ACTR5: variants seen among roughly 807,000 people sequenced by gnomAD.
ACTR5 encodes the protein actin-related protein 5.
A neutral mutation model predicts 61.2 loss-of-function variants in ACTR5; 43 were observed. The observed-to-expected ratio is 0.70, with a 90% CI of 0.55 to 0.91. The LOEUF (loss-of-function observed/expected upper bound fraction) is 0.91. Ranked by LOEUF, ACTR5 falls within the 40% of genes least tolerant of loss-of-function variation. The pLI is 0.00. For synonymous variants in ACTR5, 333 were observed against 310.5 expected (o/e 1.07, Z -0.76); for missense variants, 798 against 782.2 (o/e 1.02, Z -0.24).
rs753921665 is a variant in ACTR5 at position 38,748,873 on chromosome 20, G to A, written c.375+20G>A. ...TCACAGGTGAAGGGCGGAGTAGGCTGGGCTGGGCTGGGTTTGAGGGGAGGG... is the reference window on the plus strand; with the variant it reads ...TCACAGGTGAAGGGCGGAGTAGGCTAGGCTGGGCTGGGTTTGAGGGGAGGG... On this transcript the variant is annotated intron_variant, in intron 1 of 8. Transcript: ENST00000243903. 5.7e-6 allele frequency: 9 copies of A among 1,589,790 alleles called. No homozygotes were observed. Among genetic ancestry groups the A allele is most frequent in the Admixed American group, 5.2e-5 (3 of 57,892 alleles).
At chr20:38,752,409 C>A in intron 3 of ACTR5, 109 bp downstream of exon 3, 2 of 1,236,362 alleles carry the variant, frequency 1.6e-6, no homozygotes, top group Non-Finnish European at 2.2e-6. Context: ...CACCTCCTTC[C>A]CCTTTTTGTA....
chr20:38,749,413 C>T (rs2084372993), intron 1 of ACTR5, among the ~76,000 whole-genome samples: 1 of 152,110 alleles, frequency 6.6e-6, no homozygotes, highest in Non-Finnish European at 1.5e-5. Context: ...AAAAAGGCCC[C>T]GAGGCAGGAG....
At chr20:38,757,327 G>T (rs144044958) in intron 5 of ACTR5, among the ~76,000 whole-genome samples, 1 of 152,146 alleles carries the variant, frequency 6.6e-6, no homozygotes, top group African/African-American at 2.4e-5. Flanking sequence ...TCCAGAAGTC[G>T]CTGGTTGAGT....
chr20:38,761,937 C>T (rs1403651309), intron 5 of ACTR5: 1 of 152,186 alleles, frequency 6.6e-6, no homozygotes, highest in African/African-American at 2.4e-5. Context: ...CACAGGATTG[C>T]CTAAATAGCA....
intron 5 of ACTR5, among the ~76,000 whole-genome samples, chr20:38,757,521 T>C (rs2084427566): frequency 6.6e-6 from 1 of 152,090 alleles, no homozygotes; most frequent in East Asian, 1.9e-4. Flanking sequence ...ATTAAGCTGT[T>C]GATTACTTAT....
At position 38,756,102 on chromosome 20, in the gene ACTR5, C is replaced by T; in HGVS notation, c.1176+63C>T. 5 of 1,496,200 alleles carry T rather than the reference C, an allele frequency of 3.3e-6. No homozygotes were observed. In the South Asian group the frequency reaches 5.4e-5, roughly 16 times the overall value. 92.7% of individuals were successfully genotyped at this position (1,496,200 alleles called of 1,614,324 possible). ...GGGAGGAGTGTCCTGAGAGGCCTGA[C>T]ATCAAAGGGGTTGTGCCCAGAGTCA... On this transcript the variant is annotated intron_variant, in intron 5 of 8. Coordinates refer to ENST00000243903, the MANE Select transcript of ACTR5 (RefSeq NM_024855.4).
chr20:38,751,989 TC>T, intron 2 of ACTR5, 141 bp from the exon 3 acceptor site: 1 of 929,502 alleles, frequency 1.1e-6, no homozygotes, highest in Non-Finnish European at 1.6e-6. Context: ...AACTTCAACG[TC>T]CCTTCTGACT....
chr20:38,769,023 C>G (rs1480788348), intron 8 of ACTR5, among the ~76,000 whole-genome samples: 2 of 152,160 alleles, frequency 1.3e-5, no homozygotes, highest in Non-Finnish European at 2.9e-5. Flanking sequence ...CTCCACTCAC[C>G]AGGATTTACA....
chr20:38,754,166 C>T (rs769200802), intron 3 of ACTR5, among the ~76,000 whole-genome samples: 1 of 152,234 alleles, frequency 6.6e-6, no homozygotes, highest in Middle Eastern at 3.4e-3. Context: ...TTAAAGAACT[C>T]GTAAGGAGAT....
chr20:38,765,789 A>G (rs17754078), intron 6 of ACTR5, among the ~76,000 whole-genome samples: 6,137 of 152,286 alleles, frequency 0.04, 201 homozygotes, highest in Non-Finnish European at 0.06. Context: ...CTGGCTTGTA[A>G]TAGTTTCATT....
chr20:38,750,742 C>T (rs1050962107), intron 2 of ACTR5, among the ~76,000 whole-genome samples: 1 of 152,058 alleles, frequency 6.6e-6, no homozygotes, highest in African/African-American at 2.4e-5. Context: ...GATTCTCCTG[C>T]CTCAGCCTCC....
chr20:38,758,223 C>T (rs1034814674), intron 5 of ACTR5, among the ~76,000 whole-genome samples: 3 of 152,200 alleles, frequency 2.0e-5, no homozygotes, highest in Non-Finnish European at 4.4e-5. Context: ...CCCATTCCCC[C>T]ATTCTTTCAG....
chr20:38,749,237 A>AT (rs2084371770), intron 1 of ACTR5, among the ~76,000 whole-genome samples: 2 of 152,212 alleles, frequency 1.3e-5, no homozygotes, highest in Admixed American at 1.3e-4. Flanking sequence ...GAAATAGTAG[A>AT]TTCTACGCCG....
intron 3 of ACTR5, among the ~76,000 whole-genome samples, chr20:38,753,070 G>A (rs537120722): frequency 6.6e-6 from 1 of 152,256 alleles, no homozygotes; most frequent in East Asian, 1.9e-4. Flanking sequence ...AGAAGTTGCG[G>A]GAGACAGATA....
rs754313094 is a variant in ACTR5, at chr20:38,765,524, A to T, written c.1293+6A>T. ...AGCCGGTCACCACTGTTCAGGTTTG[A>T]CTTCTACAGCCCAGAACATGCTTAT... On this transcript the variant is annotated splice_donor_region_variant and intron_variant, in intron 6 of 8. Transcript: ENST00000243903. 6.8e-6 allele frequency: 11 copies of T among 1,607,638 alleles called. No homozygotes were observed. The South Asian group carries it at 9.9e-5, about 14-fold the overall frequency.
At chr20:38,762,627 A>T (rs1228200280) in intron 5 of ACTR5, among the ~76,000 whole-genome samples, 4 of 152,222 alleles carry the variant, frequency 2.6e-5, no homozygotes, top group Non-Finnish European at 5.9e-5. Flanking sequence ...CTGCAGGCTT[A>T]CTGGTTGGGT....
chr20:38,753,689 T>C (rs1286905708), intron 3 of ACTR5, among the ~76,000 whole-genome samples: 1 of 152,174 alleles, frequency 6.6e-6, no homozygotes, highest in East Asian at 1.9e-4. Flanking sequence ...TTCTTGGTAG[T>C]TGGATGATTT....
intron 3 of ACTR5, among the ~76,000 whole-genome samples, chr20:38,754,712 C>T (rs780064841): frequency 2.6e-5 from 4 of 151,982 alleles, no homozygotes; most frequent in Non-Finnish European, 4.4e-5. Context: ...GGCGAGCCTC[C>T]CGAGTACCTG....
rs991989205 is a variant in ACTR5 at position 38,765,506 on chromosome 20, C to T, written c.1281C>T (p.Val427=). The change falls in exon 6 of 9, where the codon GTC becomes GTT. Residue 427 remains valine (V), a synonymous_variant. Coordinates refer to ENST00000243903, the MANE Select transcript of ACTR5 (RefSeq NM_024855.4). ...AAACACCTGGAGTGGAGAAGCCGGT[C>T]ACCACTGTTCAGGTTTGACTTCTAC... ...SEETPGVEKP[V]TTVQPVFNLA... is the part of the protein sequence containing the mutation. The T allele has an allele frequency of 6.2e-7, 1 of 1,613,946 alleles. No homozygotes were observed. The highest frequency in any genetic ancestry group is 1.1e-5 in the South Asian group (1 of 91,076).
Sources: allele counts gnomAD v4.1 joint callset (sites outside exome capture counted in the v4.1 genomes callset), GRCh38; gene constraint gnomAD v4.1.1; transcripts MANE v1.5; gene names NCBI Gene and HGNC (gene_info 2026-07-23, HGNC 2026-07-21).